PAK1: variants seen among roughly 807,000 people sequenced by gnomAD.
PAK1 encodes the protein p21 (RAC1) activated kinase 1.
A neutral mutation model predicts 67.4 loss-of-function variants in PAK1; 29 were observed. The ratio of observed to expected loss-of-function variants is 0.43; its 90% CI spans 0.32 to 0.59. PAK1 has a LOEUF of 0.59. PAK1 is among the 20% of genes least tolerant of loss of function. The pLI is 0.07. For synonymous variants in PAK1, 223 were observed against 237.4 expected (o/e 0.94, Z 0.56); for missense variants, 337 against 670.7 (o/e 0.50, Z 5.50).
intron 5 of PAK1, among the ~76,000 whole-genome samples, chr11:77,372,414 A>G (rs148263582): frequency 6.6e-6 from 1 of 152,160 alleles, no homozygotes; most frequent in Non-Finnish European, 1.5e-5. Flanking sequence ...TACCTCAGTA[A>G]GCTCCTGTGA....
intron 11 of PAK1, among the ~76,000 whole-genome samples, chr11:77,338,380 C>T (rs953814149): frequency 2.0e-5 from 3 of 152,082 alleles, no homozygotes; most frequent in African/African-American, 7.2e-5. Flanking sequence ...AAAACAATAT[C>T]CAGAATTGGA....
intron 14 of PAK1, chr11:77,329,023 A>G (rs1362535197): frequency 2.0e-5 from 3 of 152,276 alleles, no homozygotes; most frequent in African/African-American, 7.2e-5. Context: ...CAAATCAACT[A>G]GAAAATCTAG....
intron 5 of PAK1, among the ~76,000 whole-genome samples, chr11:77,368,165 A>G (rs1401865095): frequency 1.3e-5 from 2 of 152,238 alleles, no homozygotes; most frequent in Non-Finnish European, 2.9e-5. Context: ...GTAAATAGGA[A>G]TATAATTGTG....
At chr11:77,354,556 A>G (rs1188609502) in intron 7 of PAK1, among the ~76,000 whole-genome samples, 4 of 152,212 alleles carry the variant, frequency 2.6e-5, no homozygotes, top group Non-Finnish European at 5.9e-5. Context: ...CATAATTCTA[A>G]GTGTTATTGT....
chr11:77,506,648 A>G, the PAK1 span, among the ~76,000 whole-genome samples: 1 of 152,200 alleles, frequency 6.6e-6, no homozygotes, highest in African/African-American at 2.4e-5. Context: ...GTGACAATAC[A>G]GGAAAAATGG....
the PAK1 span, among the ~76,000 whole-genome samples, chr11:77,528,434 A>G: frequency 6.6e-6 from 1 of 150,884 alleles, no homozygotes; most frequent in Non-Finnish European, 1.5e-5. Flanking sequence ...ATCATAGCTC[A>G]CTGCAGCCTC....
chr11:77,431,484 T>C (rs989324305), intron 1 of PAK1, among the ~76,000 whole-genome samples: 6 of 152,296 alleles, frequency 3.9e-5, no homozygotes, highest in Non-Finnish European at 8.8e-5. Flanking sequence ...TTCAGTGGTC[T>C]TTTCCTCTCG....
rs35896629 is a variant in PAK1, at chr11:77,455,302, GAA to G, written c.-22+18248_-22+18249del. Among the ~76,000 whole-genome samples, 756 of 145,936 alleles carry G rather than the reference GAA, an allele frequency of 5.2e-3. 9 individuals are homozygous for G. Among genetic ancestry groups the G allele is most frequent in the African/African-American group, 0.017 (672 of 39,854 alleles). ...TAGCCTAGTAGGCACTACAGAGGTT[GAA>G]AAAAAAAAAAAACATTACTTCTCAG... On this transcript the variant is annotated intron_variant, in intron 1 of 14. Coordinates refer to ENST00000356341, the MANE Select transcript of PAK1 (RefSeq NM_002576.5).
intron 1 of PAK1, among the ~76,000 whole-genome samples, chr11:77,473,189 C>G (rs917052674): frequency 6.6e-6 from 1 of 152,206 alleles, no homozygotes; most frequent in Non-Finnish European, 1.5e-5. Flanking sequence ...ACAGGGTGAG[C>G]GCCGCAGGAC....
At chr11:77,500,196 C>T in the PAK1 span, among the ~76,000 whole-genome samples, 5 of 152,190 alleles carry the variant, frequency 3.3e-5, no homozygotes, top group East Asian at 5.8e-4. Context: ...AAACCGGGTG[C>T]GGTGGCTCAC....
intron 12 of PAK1, 91 bp from the exon 13 acceptor site, chr11:77,336,373 G>T: frequency 1.1e-6 from 1 of 920,374 alleles, no homozygotes; most frequent in Non-Finnish European, 1.6e-6. Context: ...TAGGTGACAA[G>T]ATCCGCCTGG....
intron 5 of PAK1, among the ~76,000 whole-genome samples, chr11:77,367,763 C>G (rs1222145286): frequency 1.3e-5 from 2 of 152,064 alleles, no homozygotes; most frequent in Non-Finnish European, 1.5e-5. Context: ...CAGATCACAA[C>G]CTCAGGAGAT....
intron 1 of PAK1, among the ~76,000 whole-genome samples, chr11:77,466,375 G>A (rs546704536): frequency 1.6e-4 from 25 of 152,200 alleles, no homozygotes; most frequent in African/African-American, 5.5e-4. Context: ...AGGCAGAAGC[G>A]GGCAGATCAC....
At chr11:77,342,898 T>TC (rs1555144200) in intron 10 of PAK1, among the ~76,000 whole-genome samples, 1 of 151,334 alleles carries the variant, frequency 6.6e-6, no homozygotes, top group Non-Finnish European at 1.5e-5. Flanking sequence ...TTTTTTTTTT[T>TC]CAGGTATCGG....
chr11:77,526,895 G>A, the PAK1 span, among the ~76,000 whole-genome samples: 4 of 149,592 alleles, frequency 2.7e-5, no homozygotes, highest in South Asian at 2.1e-4. Flanking sequence ...CAGCCTAGGC[G>A]ACAGAGTGAG....
At chr11:77,393,560 C>T (rs527321938) in intron 1 of PAK1, among the ~76,000 whole-genome samples, 7 of 152,276 alleles carry the variant, frequency 4.6e-5, no homozygotes, top group African/African-American at 1.7e-4. Context: ...GTCTCCCAAG[C>T]AGCTGGAATT....
intron 1 of PAK1, among the ~76,000 whole-genome samples, chr11:77,463,279 G>A (rs535463614): frequency 3.8e-4 from 58 of 152,156 alleles, no homozygotes; most frequent in Middle Eastern, 3.4e-3. Context: ...ACAGACATGC[G>A]ATAAAGAAAA....
intron 1 of PAK1, among the ~76,000 whole-genome samples, chr11:77,421,412 C>T (rs562772951): frequency 2.6e-5 from 4 of 152,280 alleles, no homozygotes; most frequent in South Asian, 2.1e-4. Context: ...ATTTAAAAAT[C>T]CCCCTCTACT....
In PAK1 at chr11:77,429,056, T is replaced by TAAAAAAAAAAAAAAAAA. The variant is rs566874549; in HGVS notation, c.-21-36532_-21-36516dup. 4.3e-4 allele frequency among the ~76,000 whole-genome samples: 21 copies of TAAAAAAAAAAAAAAAAA among 48,992 alleles called. 4 individuals are homozygous for TAAAAAAAAAAAAAAAAA. The highest frequency in any genetic ancestry group is 1.7e-3 in the East Asian group (2 of 1,206). 32.1% of individuals were successfully genotyped at this position (48,992 alleles called of 152,430 possible). ...TTGGATTCTAAATGCCATTTAATAC[T>TAAAAAAAAAAAAAAAAA]AAAAAAAAAAAAAAAAAAAAAAAAA... On this transcript the variant is annotated intron_variant, in intron 1 of 14. Coordinates refer to ENST00000356341, the MANE Select transcript of PAK1 (RefSeq NM_002576.5).
Sources: gnomAD v4.1 joint callset for allele counts (sites outside exome capture counted in the v4.1 genomes callset) on GRCh38, gnomAD v4.1.1 for gene constraint, MANE v1.5 for transcripts, NCBI Gene and HGNC (gene_info 2026-07-23, HGNC 2026-07-21) for gene names.